Variants in EPM2A observed in about 807,000 individuals in gnomAD.
The protein encoded by EPM2A is EPM2A glucan phosphatase, laforin.
Under a neutral mutation model 26.5 loss-of-function variants are expected in EPM2A, and 21 were observed. The observed-to-expected ratio is 0.79, with a 90% confidence interval of 0.56 to 1.14. EPM2A has a LOEUF of 1.14. Ranked by LOEUF, EPM2A falls within the 50% of genes most tolerant of loss-of-function variation. EPM2A has a pLI of 0.00. For missense variants in EPM2A, 458 were observed against 440.8 expected, an observed-to-expected ratio of 1.04 and a Z score of -0.35; for synonymous variants, 217 against 177.6, an observed-to-expected ratio of 1.22 and a Z score of -1.76.
At chr6:145,723,274 A>G (rs927388636) in intron 1 of EPM2A, among the ~76,000 whole-genome samples, 2 of 152,162 alleles carry the variant, frequency 1.3e-5, no homozygotes, top group Admixed American at 1.3e-4. Flanking sequence ...CTAAGAATAT[A>G]AAACCTCACC....
chr6:145,623,086 A>G (rs1372952398), downstream of EPM2A, among the ~76,000 whole-genome samples: 1 of 152,178 alleles, frequency 6.6e-6, no homozygotes. Flanking sequence ...TATGCTCTCA[A>G]TGGTTATTAG....
At chr6:145,474,588 A>T (rs1226935320) in intron 4 of EPM2A, among the ~76,000 whole-genome samples, 1 of 152,214 alleles carries the variant, frequency 6.6e-6, no homozygotes, top group African/African-American at 2.4e-5. Context: ...TAAAACACCA[A>T]AAGCAATGGC....
chr6:145,410,098 T>C (rs1036715009), intron 4 of EPM2A, among the ~76,000 whole-genome samples: 1 of 152,180 alleles, frequency 6.6e-6, no homozygotes, highest in Non-Finnish European at 1.5e-5. Flanking sequence ...GGCTACCACA[T>C]ACACCTAGGA....
chr6:145,424,641 T>C (rs1477586828), intron 4 of EPM2A, among the ~76,000 whole-genome samples: 1 of 152,186 alleles, frequency 6.6e-6, no homozygotes, highest in African/African-American at 2.4e-5. Context: ...TAATCCCCAT[T>C]GGGATGGTAT....
chr6:145,571,492 C>T (rs567958037), intron 2 of EPM2A, among the ~76,000 whole-genome samples: 1 of 152,280 alleles, frequency 6.6e-6, no homozygotes, highest in South Asian at 2.1e-4. Context: ...GTAGTCTTGG[C>T]AGAAGCAATG....
intron 2 of EPM2A, among the ~76,000 whole-genome samples, chr6:145,550,410 A>ATTTTATTTCATGTGATATCCC (rs1249474409): frequency 6.6e-5 from 10 of 152,012 alleles, no homozygotes; most frequent in African/African-American, 2.4e-4. Flanking sequence ...GGGGGTATTC[A>ATTTTATTTCATGTGATATCCC]CTTTTATTTC....
intron 4 of EPM2A, among the ~76,000 whole-genome samples, chr6:145,495,262 G>A (rs983424056): frequency 1.3e-5 from 2 of 149,914 alleles, no homozygotes. Context: ...TATAATCTTT[G>A]TTGATTTAGA....
intron 4 of EPM2A, among the ~76,000 whole-genome samples, chr6:145,401,983 T>C (rs1273878277): frequency 1.3e-5 from 2 of 152,180 alleles, no homozygotes; most frequent in African/African-American, 4.8e-5. Flanking sequence ...TAGAAAAGCA[T>C]GATTTGACAA....
At chr6:145,589,302 A>C (rs1781238812) in intron 2 of EPM2A, among the ~76,000 whole-genome samples, 1 of 152,160 alleles carries the variant, frequency 6.6e-6, no homozygotes, top group Non-Finnish European at 1.5e-5. Flanking sequence ...TTTACTTATA[A>C]AGTATTTTAT....
At chr6:145,507,745 G>A (rs1779996651) in intron 2 of EPM2A, among the ~76,000 whole-genome samples, 2 of 152,218 alleles carry the variant, frequency 1.3e-5, no homozygotes, top group South Asian at 4.1e-4. Context: ...TGGTGAGTAT[G>A]GAGAGTGTCC....
At chr6:145,547,673 A>C (rs892550545) in intron 2 of EPM2A, among the ~76,000 whole-genome samples, 1 of 152,158 alleles carries the variant, frequency 6.6e-6, no homozygotes, top group Admixed American at 6.6e-5. Flanking sequence ...AGAGACAACT[A>C]TATCTGTTTG....
chr6:145,710,526 C>G (rs1775253788), intron 1 of EPM2A, among the ~76,000 whole-genome samples: 1 of 152,168 alleles, frequency 6.6e-6, no homozygotes, highest in South Asian at 2.1e-4. Flanking sequence ...GTTGGTGGGA[C>G]TGTAAACTAG....
At chr6:145,393,507 T>A (rs1218131798) in intron 4 of EPM2A, among the ~76,000 whole-genome samples, 1 of 152,224 alleles carries the variant, frequency 6.6e-6, no homozygotes, top group Non-Finnish European at 1.5e-5. Context: ...AACAGTTTTT[T>A]TCCCCATTAT....
At chr6:145,660,548 T>TC (rs1778615654) in intron 2 of EPM2A, among the ~76,000 whole-genome samples, 1 of 152,190 alleles carries the variant, frequency 6.6e-6, no homozygotes, top group Non-Finnish European at 1.5e-5. Context: ...ACGCCTGTAG[T>TC]CCCAGCACTT....
At chr6:145,428,987 A>G (rs182448323) in intron 4 of EPM2A, among the ~76,000 whole-genome samples, 7 of 152,368 alleles carry the variant, frequency 4.6e-5, no homozygotes, top group Admixed American at 4.6e-4. Context: ...TCAGTACAAG[A>G]GAGCTCATAA....
chr6:145,720,185 A>G (rs556902075), intron 1 of EPM2A, among the ~76,000 whole-genome samples: 40 of 152,306 alleles, frequency 2.6e-4, no homozygotes, highest in African/African-American at 9.1e-4. Flanking sequence ...CATTAAGTAA[A>G]GACTGAAGTC....
intron 4 of EPM2A, among the ~76,000 whole-genome samples, chr6:145,480,037 T>A (rs150599733): frequency 6.6e-6 from 1 of 152,124 alleles, no homozygotes; most frequent in African/African-American, 2.4e-5. Context: ...TTCATGTGAC[T>A]ATAAGCCATT....
intron 4 of EPM2A, among the ~76,000 whole-genome samples, chr6:145,396,590 A>G (rs1026039928): frequency 2.1e-5 from 2 of 96,156 alleles, no homozygotes; most frequent in African/African-American, 6.4e-5. Context: ...CTTCAGGTAC[A>G]TAAACTTTGC....
chr6:145,719,792 C>G (rs1250795376), intron 1 of EPM2A, among the ~76,000 whole-genome samples: 4 of 152,102 alleles, frequency 2.6e-5, no homozygotes, highest in African/African-American at 9.7e-5. Flanking sequence ...AGGTGTATAA[C>G]TGAGCTTCCA....
Sources: gnomAD v4.1 joint callset for allele counts (sites outside exome capture counted in the v4.1 genomes callset) on GRCh38, gnomAD v4.1.1 for gene constraint, MANE v1.5 for transcripts, NCBI Gene and HGNC (gene_info 2026-07-23, HGNC 2026-07-21) for gene names.